The following ATP9A variants were observed in gnomAD, a reference collection of about 807,000 sequenced individuals.
The protein encoded by ATP9A is ATPase phospholipid transporting 9A, also known as probable phospholipid-transporting ATPase IIA.
In ATP9A, 52 loss-of-function variants were observed where a neutral mutation model predicts 144.1. The ratio of observed to expected loss-of-function variants is 0.36; its 90% CI spans 0.29 to 0.45. The LOEUF is 0.45. Among genes scored for constraint, ATP9A ranks in the 20% least tolerant of loss-of-function variants. ATP9A has a pLI of 1.00. For synonymous variants in ATP9A, 582 were observed against 557.4 expected (o/e 1.04, Z -0.62); for missense variants, 947 against 1,392.7 (o/e 0.68, Z 5.09).
chr20:51,647,070 G>C (rs768040192), intron 14 of ATP9A, among the ~76,000 whole-genome samples: 55 of 152,076 alleles, frequency 3.6e-4, no homozygotes, highest in Non-Finnish European at 7.1e-4. Flanking sequence ...AGTGAGCTGA[G>C]ATCACACCAC....
intron 9 of ATP9A, among the ~76,000 whole-genome samples, chr20:51,679,171 A>G (rs894461167): frequency 6.6e-6 from 1 of 152,080 alleles, no homozygotes; most frequent in Non-Finnish European, 1.5e-5. Context: ...TAAAAATATA[A>G]AAATCAGCCG....
At position 51,689,792 on chromosome 20, in the gene ATP9A, A is replaced by C. The variant is rs543961502; in HGVS notation, c.724-653T>G. Among the ~76,000 whole-genome samples the C allele has an allele frequency of 3.9e-4, 59 of 151,740 alleles. 3 individuals carry two copies. The highest frequency in any genetic ancestry group is 3.1e-3 in the Admixed American group (47 of 15,236). Reference sequence around the variant, plus strand: ...CTGGAAGTGGCTTAAAAATTATGAAAATGGCAGATAGGATTTGTATGAATA... The same window carrying C: ...CTGGAAGTGGCTTAAAAATTATGAACATGGCAGATAGGATTTGTATGAATA... On this transcript the variant is annotated intron_variant, in intron 8 of 27. Transcript: ENST00000338821.
chr20:51,723,875 A>C (rs1188203093), intron 3 of ATP9A, among the ~76,000 whole-genome samples: 1 of 152,126 alleles, frequency 6.6e-6, no homozygotes, highest in African/African-American at 2.4e-5. Context: ...TTCTTTAATT[A>C]AAAATAAAAA....
intron 1 of ATP9A, among the ~76,000 whole-genome samples, chr20:51,766,008 T>A (rs1185809078): frequency 6.6e-6 from 1 of 152,224 alleles, no homozygotes; most frequent in East Asian, 1.9e-4. Flanking sequence ...GGGGCTGTGA[T>A]GCTCCATTCC....
intron 3 of ATP9A, among the ~76,000 whole-genome samples, chr20:51,717,403 A>C (rs987332148): frequency 2.0e-5 from 3 of 152,140 alleles, no homozygotes; most frequent in Non-Finnish European, 1.5e-5. Flanking sequence ...TTTTCACCAC[A>C]AACCCTTTTT....
chr20:51,676,224 G>GAAAAAAAAAAAA lies in ATP9A; in HGVS notation c.800-28_800-17dup. The GAAAAAAAAAAAA allele has an allele frequency of 1.6e-6, 2 of 1,223,428 alleles. No homozygotes were observed. Among genetic ancestry groups the GAAAAAAAAAAAA allele is most frequent in the East Asian group, 5.6e-5 (2 of 35,624 alleles). The allele number at this position is 1,223,428 out of a possible 1,614,324, so 75.8% of individuals were successfully genotyped here. A position where few individuals can be genotyped will look rare whatever the true frequency, so the allele number is the denominator to read the frequency against. ...ACAACAGTACCTAAAATGGAAAAAAGAAAAAAAAAAAAAGAAAAGAAATAT... is the reference window on the plus strand; with the variant it reads ...ACAACAGTACCTAAAATGGAAAAAAGAAAAAAAAAAAAAAAAAAAAAAAAAGAAAAGAAATAT... On this transcript the variant is annotated splice_polypyrimidine_tract_variant and intron_variant, in intron 9 of 27. Transcript: ENST00000338821.
chr20:51,661,897 G>C (rs796242803), intron 13 of ATP9A, among the ~76,000 whole-genome samples: 1 of 152,120 alleles, frequency 6.6e-6, no homozygotes, highest in African/African-American at 2.4e-5. Context: ...GCAACACAAA[G>C]TCAATAAATT....
intron 14 of ATP9A, among the ~76,000 whole-genome samples, chr20:51,648,453 G>A (rs1378484128): frequency 6.6e-6 from 1 of 152,188 alleles, no homozygotes; most frequent in African/African-American, 2.4e-5. Context: ...GCCAAAAGGG[G>A]GAAACCTCCT....
chr20:51,657,115 C>T lies in ATP9A; in HGVS notation c.1329G>A (p.Thr443=), dbSNP rs949236201. 44 of 1,613,902 alleles carry T rather than the reference C, an allele frequency of 2.7e-5. No homozygotes were observed. Among genetic ancestry groups the T allele is most frequent in the Non-Finnish European group, 3.6e-5 (42 of 1,180,028 alleles). The change falls in exon 14 of 28, where the codon ACG becomes ACA. Residue 443 remains threonine (T), a synonymous_variant. Coordinates refer to ENST00000338821, the MANE Select transcript of ATP9A (RefSeq NM_006045.3). ...TGGTCCGCCGGACCTTAGTGGTGAG[C>T]GTTGGGCCCTTCTGAGCCGGTGGGT... The part of the protein sequence containing the change: ...SQDPPAQKGP[T]LTTKVRRTMS...
intron 27 of ATP9A, 83 bp from the exon 28 acceptor site, chr20:51,601,430 A>G: frequency 7.3e-7 from 1 of 1,377,252 alleles, no homozygotes. Context: ...CGTCACAACT[A>G]TCAAAGGGAA....
chr20:51,751,405 A>G (rs969411790), intron 1 of ATP9A, among the ~76,000 whole-genome samples: 1 of 151,066 alleles, frequency 6.6e-6, no homozygotes, highest in African/African-American at 2.4e-5. Flanking sequence ...GACCACAAAC[A>G]TGCAATACCA....
At chr20:51,750,420 T>C (rs944031603) in intron 1 of ATP9A, among the ~76,000 whole-genome samples, 3 of 152,146 alleles carry the variant, frequency 2.0e-5, no homozygotes, top group African/African-American at 7.2e-5. Flanking sequence ...CACTCGGTCA[T>C]AGGTTCTAAC....
At chr20:51,624,081 T>G (rs909940185) in intron 18 of ATP9A, among the ~76,000 whole-genome samples, 2 of 152,188 alleles carry the variant, frequency 1.3e-5, no homozygotes, top group Non-Finnish European at 2.9e-5. Flanking sequence ...GACCCCACGA[T>G]GAAGCAGAAA....
intron 1 of ATP9A, among the ~76,000 whole-genome samples, chr20:51,734,320 T>G (rs535715005): frequency 1.3e-5 from 2 of 152,276 alleles, no homozygotes; most frequent in African/African-American, 4.8e-5. Flanking sequence ...ATGAGGATTC[T>G]GCCTTCATGA....
chr20:51,699,998 G>A (rs1430412957), intron 4 of ATP9A, among the ~76,000 whole-genome samples: 2 of 152,086 alleles, frequency 1.3e-5, no homozygotes, highest in Admixed American at 6.6e-5. Context: ...ACTAACCCTC[G>A]ATCGCTGGTA....
At chr20:51,633,529 T>A (rs1458377073) in intron 15 of ATP9A, among the ~76,000 whole-genome samples, 1 of 152,140 alleles carries the variant, frequency 6.6e-6, no homozygotes, top group Non-Finnish European at 1.5e-5. Flanking sequence ...GAGGACAGCT[T>A]GAGGCCAGAA....
At position 51,657,133 on chromosome 20, in the gene ATP9A, C is replaced by A. The variant is rs371469001; in HGVS notation, c.1311G>T (p.Pro437=). 2 of 1,614,010 alleles carry A rather than the reference C, an allele frequency of 1.2e-6. No homozygotes were observed. Among genetic ancestry groups the A allele is most frequent in the Non-Finnish European group, 1.7e-6 (2 of 1,179,976 alleles). The part of the protein sequence containing the change: ...SIYTQQSQDP[P]AQKGPTLTTK... ...TGGTGAGCGTTGGGCCCTTCTGAGC[C>A]GGTGGGTCCTGGGATTGCTACAGGA... The change falls in exon 14 of 28, where the codon CCG becomes CCT. Residue 437 remains proline (P), a synonymous_variant. Coordinates refer to ENST00000338821, the MANE Select transcript of ATP9A (RefSeq NM_006045.3).
At position 51,611,885 on chromosome 20, in the gene ATP9A, A is replaced by G. The variant is rs1305726899; in HGVS notation, c.2572-1720T>C. On this transcript the variant is annotated intron_variant, in intron 23 of 27. Coordinates refer to ENST00000338821, the MANE Select transcript of ATP9A (RefSeq NM_006045.3). This position sits in a 1 kb window ranked among gnomAD's most constrained non-coding sequence, Gnocchi z 4.2. ...CTACTCACAATTGCAATAGATATTT[A>G]AAACATAAAATCACCCCCAAAAAAC... Among the ~76,000 whole-genome samples the G allele has an allele frequency of 6.6e-6, 1 of 152,338 alleles. No homozygotes were observed. Among genetic ancestry groups the G allele is most frequent in the East Asian group, 1.9e-4 (1 of 5,188 alleles).
In ATP9A at chr20:51,608,555, G is replaced by A. The variant is rs1284220718; in HGVS notation, c.2708C>T (p.Ala903Val). The A allele has an allele frequency of 1.2e-6, 2 of 1,612,652 alleles. No homozygotes were observed. Among genetic ancestry groups the A allele is most frequent in the Middle Eastern group, 1.6e-4 (1 of 6,062 alleles). Residue 903 changes from alanine to valine, a missense_variant, in exon 25 of 28, where the codon GCC becomes GTC. Physicochemically the swap from Ala to Val is moderately conservative, Grantham distance 64. This residue lies in a region of ATP9A where 177 missense variants were observed against 344.9 expected (regional missense o/e 0.51). Transcript: ENST00000338821. ...CTTGTAGAGCTCAGGATACAGCATGGCAACTTCCGATTTGACATCTTTGTC... is the reference window on the plus strand; with the variant it reads ...CTTGTAGAGCTCAGGATACAGCATGACAACTTCCGATTTGACATCTTTGTC... The part of the protein sequence containing the change: ...VLDKDVKSEV[A>V]MLYPELYKDL...
Sources: allele counts gnomAD v4.1 joint callset (sites outside exome capture counted in the v4.1 genomes callset), GRCh38; gene constraint gnomAD v4.1.1; regional missense constraint gnomAD v4.1.1; non-coding constraint Gnocchi (gnomAD v3.1); transcripts MANE v1.5; gene names NCBI Gene and HGNC (gene_info 2026-07-23, HGNC 2026-07-21).